TBC1D5: variants seen among roughly 807,000 people sequenced by gnomAD.
TBC1D5 encodes TBC1 domain family, member 5.
In TBC1D5, 75 loss-of-function variants were observed where a neutral mutation model predicts 100.3. That is an observed-to-expected ratio of 0.75 (90% CI 0.62 to 0.91). TBC1D5 has a LOEUF of 0.91. TBC1D5 is among the 40% of genes least tolerant of loss of function. The pLI, the probability that TBC1D5 is intolerant of heterozygous loss-of-function variation, is 0.00. For synonymous variants in TBC1D5, 323 were observed against 325.6 expected (o/e 0.99, Z 0.09); for missense variants, 910 against 942.4 (o/e 0.97, Z 0.45).
chr3:17,227,726 TA>T (rs1020071228), intron 17 of TBC1D5, among the ~76,000 whole-genome samples: 156 of 150,188 alleles, frequency 1.0e-3, no homozygotes, highest in African/African-American at 3.4e-3. Flanking sequence ...AGGGAGAGAA[TA>T]AAAAAAAACT....
chr3:17,289,818 T>A (rs1433392061), intron 15 of TBC1D5, among the ~76,000 whole-genome samples: 5 of 152,170 alleles, frequency 3.3e-5, no homozygotes, highest in Non-Finnish European at 5.9e-5. Flanking sequence ...TCCCAATTCC[T>A]AACTCAGGTT....
chr3:17,720,625 T>A lies in TBC1D5; in HGVS notation c.-101+18718A>T, dbSNP rs375369153. Among the ~76,000 whole-genome samples the A allele has an allele frequency of 3.3e-5, 5 of 152,146 alleles. No homozygotes were observed. The South Asian group carries it at 1.0e-3, about 32-fold the overall frequency. ...AAGTTTGAGACCAGCTTGGGCAACATAGGGAGACCCTGCCTCTAAAACAAA... is the reference window on the plus strand; with the variant it reads ...AAGTTTGAGACCAGCTTGGGCAACAAAGGGAGACCCTGCCTCTAAAACAAA... On this transcript the variant is annotated intron_variant, in intron 1 of 21. Coordinates refer to ENST00000253692, the Ensembl canonical transcript of TBC1D5.
chr3:17,532,054 C>T (rs2096234236), intron 2 of TBC1D5, among the ~76,000 whole-genome samples: 1 of 152,164 alleles, frequency 6.6e-6, no homozygotes, highest in Admixed American at 6.5e-5. Context: ...AGGGAACCTA[C>T]AGAATGGGAG....
chr3:17,390,520 A>G (rs1412713151), intron 8 of TBC1D5, among the ~76,000 whole-genome samples: 1 of 152,162 alleles, frequency 6.6e-6, no homozygotes, highest in Non-Finnish European at 1.5e-5. Flanking sequence ...CAAGTATTCA[A>G]TAAGATGCCC....
intron 1 of TBC1D5, among the ~76,000 whole-genome samples, chr3:17,717,135 TAAAATTTCAG>T (rs1378578790): frequency 2.0e-5 from 3 of 152,020 alleles, no homozygotes; most frequent in African/African-American, 7.2e-5. Context: ...ACAGTACAAG[TAAAATTTCAG>T]ATCAGTCTTC....
intron 16 of TBC1D5, among the ~76,000 whole-genome samples, chr3:17,238,779 C>A (rs1354480470): frequency 6.6e-6 from 1 of 152,066 alleles, no homozygotes; most frequent in Non-Finnish European, 1.5e-5. Flanking sequence ...TAAATATATG[C>A]TTAAAACCTG....
intron 2 of TBC1D5, among the ~76,000 whole-genome samples, chr3:17,576,798 A>C (rs1317703959): frequency 1.3e-5 from 2 of 152,032 alleles, no homozygotes; most frequent in Admixed American, 1.3e-4. Flanking sequence ...AATTTCAAAA[A>C]CAGGCATTCC....
chr3:17,587,418 T>G (rs993672786), intron 2 of TBC1D5, among the ~76,000 whole-genome samples: 10 of 151,936 alleles, frequency 6.6e-5, no homozygotes, highest in Non-Finnish European at 1.3e-4. Flanking sequence ...ATCAATAACA[T>G]GAAACTGAAA....
chr3:17,536,927 G>A (rs1277804767), intron 2 of TBC1D5, among the ~76,000 whole-genome samples: 2 of 152,172 alleles, frequency 1.3e-5, no homozygotes, highest in Non-Finnish European at 2.9e-5. Flanking sequence ...TGAGGTCTCA[G>A]AGTTAGCAGC....
rs1424728420 is a variant in TBC1D5 at position 17,648,453 on chromosome 3, G to T, written c.-100-24540C>A. Among the ~76,000 whole-genome samples, 15 of 152,236 alleles carry T rather than the reference G, an allele frequency of 9.9e-5. No homozygotes were observed. In the East Asian group the frequency reaches 2.9e-3, roughly 29 times the overall value. ...CATGACAAAGACACCAAAAGCAACT[G>T]TAACAAAAGCAAAAATTGACAAGTG... On this transcript the variant is annotated intron_variant, in intron 1 of 21. Transcript: ENST00000253692.
chr3:17,674,057 T>G (rs2068309136), intron 1 of TBC1D5, among the ~76,000 whole-genome samples: 1 of 152,194 alleles, frequency 6.6e-6, no homozygotes, highest in Non-Finnish European at 1.5e-5. Context: ...GTGAGTTAAG[T>G]TCTTTTCCAT....
intron 1 of TBC1D5, among the ~76,000 whole-genome samples, chr3:17,705,113 T>C (rs1435148744): frequency 6.4e-5 from 4 of 62,854 alleles, no homozygotes; most frequent in Non-Finnish European, 1.3e-4. Context: ...ACCCCCCACC[T>C]CCCTCCCGGA....
intron 13 of TBC1D5, among the ~76,000 whole-genome samples, chr3:17,361,294 CAT>C (rs1220064882): frequency 6.6e-6 from 1 of 151,862 alleles, no homozygotes; most frequent in African/African-American, 2.4e-5. Context: ...ATTAATCCCA[CAT>C]GTCTGGTCAT....
At chr3:17,489,696 T>A (rs1425330068) in intron 3 of TBC1D5, among the ~76,000 whole-genome samples, 1 of 152,224 alleles carries the variant, frequency 6.6e-6, no homozygotes, top group Non-Finnish European at 1.5e-5. Context: ...GTGTTCCCTT[T>A]TTATGGCTAC....
At chr3:17,352,024 A>G (rs923710527) in intron 13 of TBC1D5, among the ~76,000 whole-genome samples, 3 of 151,422 alleles carry the variant, frequency 2.0e-5, no homozygotes, top group Admixed American at 6.6e-5. Context: ...AACCACACAC[A>G]CACAAAAAAC....
chr3:17,347,913 G>C (rs995069901), intron 13 of TBC1D5, among the ~76,000 whole-genome samples: 2 of 152,106 alleles, frequency 1.3e-5, no homozygotes, highest in African/African-American at 4.8e-5. Flanking sequence ...TGACGTGGGA[G>C]GATCCCTTGA....
rs2064587451 is a variant in TBC1D5, at chr3:17,642,296, A to T, written c.-100-18383T>A. Among the ~76,000 whole-genome samples, 5 of 152,236 alleles carry T rather than the reference A, an allele frequency of 3.3e-5. No individual in the cohort carries two copies. In the South Asian group the frequency reaches 1.0e-3, roughly 32 times the overall value. ...GTGGACTGAAGTGGAAGCAATCTGCAGTTAGGCAACGTGCTCTCTATATAT... is the reference window on the plus strand; with the variant it reads ...GTGGACTGAAGTGGAAGCAATCTGCTGTTAGGCAACGTGCTCTCTATATAT... On this transcript the variant is annotated intron_variant, in intron 1 of 21. Coordinates refer to ENST00000253692, the Ensembl canonical transcript of TBC1D5.
rs144877460 is a variant in TBC1D5, at chr3:17,204,618, C to T, written c.1752+9589G>A. 3.4e-3 allele frequency among the ~76,000 whole-genome samples: 522 copies of T among 152,220 alleles called. 4 individuals are homozygous for T. The highest frequency in any genetic ancestry group is 0.011 in the African/African-American group (475 of 41,536). On this transcript the variant is annotated intron_variant, in intron 18 of 21. Transcript: ENST00000253692. ...AAAGATAAGTGATGGAGGAAGAAGACCCAGCATGAGGTGAATGAGTGTTTC... is the reference window on the plus strand; with the variant it reads ...AAAGATAAGTGATGGAGGAAGAAGATCCAGCATGAGGTGAATGAGTGTTTC...
At chr3:17,244,465 C>A (rs546163101) in intron 16 of TBC1D5, among the ~76,000 whole-genome samples, 10 of 152,272 alleles carry the variant, frequency 6.6e-5, no homozygotes, top group Middle Eastern at 3.4e-3. Flanking sequence ...CCATTCCATT[C>A]CTTCTGCCCT....
Sources: allele counts gnomAD v4.1 joint callset (sites outside exome capture counted in the v4.1 genomes callset), GRCh38; gene constraint gnomAD v4.1.1; transcripts MANE v1.5; gene names NCBI Gene and HGNC (gene_info 2026-07-23, HGNC 2026-07-21).